Variants in TTYH1 observed in about 807,000 individuals in gnomAD.
TTYH1 encodes the protein protein tweety homolog 1.
TTYH1 carries 33 observed loss-of-function variants against 61.2 expected under a neutral mutation model. The ratio of observed to expected loss-of-function variants is 0.54; its 90% CI spans 0.41 to 0.72. The LOEUF is 0.72. Ranked by LOEUF, TTYH1 falls within the 30% of genes least tolerant of loss-of-function variation. The pLI is 0.00. For missense variants in TTYH1, 538 were observed against 575.8 expected, an observed-to-expected ratio of 0.93 and a Z score of 0.67; for synonymous variants, 308 against 266.4, an observed-to-expected ratio of 1.16 and a Z score of -1.52.
intron 1 of TTYH1, among the ~76,000 whole-genome samples, chr19:54,418,864 C>A (rs2083143612): frequency 6.6e-6 from 1 of 152,208 alleles, no homozygotes; most frequent in African/African-American, 2.4e-5. Flanking sequence ...GATTGCACAG[C>A]CAATGGAGGG....
In TTYH1 at chr19:54,436,562, G is replaced by A. The variant is rs374523021; in HGVS notation, c.*272G>A. ...CTCGCACCCTTCATCCCTGGCTGCC[G>A]GTCCCATCCTTGGAGGGACTAAGCT... On this transcript the variant is annotated 3_prime_UTR_variant, in exon 14 of 14. Transcript: ENST00000376530. This position sits in a 1 kb window ranked among gnomAD's most constrained non-coding sequence, Gnocchi z 4.3. 2,194 of 644,740 alleles carry A rather than the reference G, an allele frequency of 3.4e-3. 56 individuals are homozygous for A. The South Asian group carries it at 0.038, about 11-fold the overall frequency. 39.9% of individuals were successfully genotyped at this position (644,740 alleles called of 1,614,324 possible).
At chr19:54,418,270 G>C (rs771539497) in intron 1 of TTYH1, 1 of 152,222 alleles carries the variant, frequency 6.6e-6, no homozygotes, top group Non-Finnish European at 1.5e-5. Flanking sequence ...GAACGTTTCC[G>C]CGGCCTGCCT....
In TTYH1 at chr19:54,421,866, G is replaced by T. The variant is rs1337269988; in HGVS notation, c.418-324G>T. On this transcript the variant is annotated intron_variant, in intron 3 of 13. Coordinates refer to ENST00000376530, the MANE Select transcript of TTYH1 (RefSeq NM_020659.4). This position sits in a 1 kb window ranked among gnomAD's most constrained non-coding sequence, Gnocchi z 4.8. ...TGCAGACTCTAGACCATGGGACCCAGACTTGAGACCCCAGATTCTGGAAGG... is the reference window on the plus strand; with the variant it reads ...TGCAGACTCTAGACCATGGGACCCATACTTGAGACCCCAGATTCTGGAAGG... Among the ~76,000 whole-genome samples, 1 of 152,142 alleles carries T rather than the reference G, an allele frequency of 6.6e-6. No individual in the cohort carries two copies. The highest frequency in any genetic ancestry group is 2.4e-5 in the African/African-American group (1 of 41,434).
chr19:54,432,252 TCTAAAACACACACCCGAGGATG>T (rs1187520840), intron 10 of TTYH1: 1 of 152,318 alleles, frequency 6.6e-6, no homozygotes, highest in Non-Finnish European at 1.5e-5. Flanking sequence ...TAAGAGCTGT[TCTAAAACACACACCCGAGGATG>T]CCTTTCCCCG....
At chr19:54,435,898 A>C in intron 12 of TTYH1, 25 bp downstream of exon 12, 1 of 1,611,232 alleles carries the variant, frequency 6.2e-7, no homozygotes, top group Non-Finnish European at 8.5e-7. Flanking sequence ...GGTCTGAGGG[A>C]GGAGGGGCGG....
Position 54,430,585 on chromosome 19 carries a change from G to A in TTYH1, c.919G>A (p.Val307Ile), listed in dbSNP as rs1402227266. 5 of 1,613,470 alleles carry A rather than the reference G, an allele frequency of 3.1e-6. No homozygotes were observed. The highest frequency in any genetic ancestry group is 4.2e-6 in the Non-Finnish European group (5 of 1,179,928). The change falls in exon 8 of 14, where the codon GTC becomes ATC. Residue 307 changes from valine to isoleucine, a missense_variant. Physicochemically the swap from Val to Ile is conservative, Grantham distance 29. Coordinates refer to ENST00000376530, the MANE Select transcript of TTYH1 (RefSeq NM_020659.4). ...CTATTATCTCCTCTGCAACCGGGCC[G>A]TCTCCAACCCCTTCCAACAGGTTAG... Reference protein sequence around the residue: ...LSYYLLCNRAVSNPFQQRLTL... With the variant: ...LSYYLLCNRAISNPFQQRLTL...
Position 54,431,087 on chromosome 19 carries a change from C to A in TTYH1, c.1033-12C>A. The A allele has an allele frequency of 6.2e-7, 1 of 1,607,608 alleles. No individual in the cohort carries two copies. Among genetic ancestry groups the A allele is most frequent in the Non-Finnish European group, 8.5e-7 (1 of 1,174,204 alleles). ...AGAGTTCGTGGGAAAACGACCCCTC[C>A]TCGCCCCGCAGAAGCCTCTGCTGTC... On this transcript the variant is annotated splice_polypyrimidine_tract_variant and intron_variant, in intron 9 of 13. Coordinates refer to ENST00000376530, the MANE Select transcript of TTYH1 (RefSeq NM_020659.4).
intron 5 of TTYH1, among the ~76,000 whole-genome samples, chr19:54,428,671 T>C (rs1008099345): frequency 1.1e-4 from 17 of 152,140 alleles, no homozygotes; most frequent in African/African-American, 4.1e-4. Flanking sequence ...TCTCTGGCCC[T>C]GGTGGGGTGA....
Position 54,420,381 on chromosome 19 carries a change from G to C in TTYH1, c.306-896G>C, listed in dbSNP as rs926476284. Among the ~76,000 whole-genome samples, 5 of 152,290 alleles carry C rather than the reference G, an allele frequency of 3.3e-5. No homozygotes were observed. Among genetic ancestry groups the C allele is most frequent in the East Asian group, 1.9e-4 (1 of 5,174 alleles). ...GTGGACAAAGGCCCAGTGGGGGAGA[G>C]ACACGGCCCCAGCCCCCGCAGCCTG... On this transcript the variant is annotated intron_variant, in intron 2 of 13. Transcript: ENST00000376530. This position sits in a 1 kb window ranked among gnomAD's most constrained non-coding sequence, Gnocchi z 4.8.
chr19:54,415,862 C>T lies in TTYH1; in HGVS notation c.126+184C>T. ...CCCATGCCTGGAGGTTCTCCTGGGA[C>T]GCGCGCTGGGGGTCCAGACCTCGAG... On this transcript the variant is annotated intron_variant, in intron 1 of 13. Coordinates refer to ENST00000376530, the MANE Select transcript of TTYH1 (RefSeq NM_020659.4). This position sits in a 1 kb window ranked among gnomAD's most constrained non-coding sequence, Gnocchi z 5.2. 2.5e-6 allele frequency: 2 copies of T among 811,598 alleles called. No individual in the cohort carries two copies. Among genetic ancestry groups the T allele is most frequent in the East Asian group, 3.0e-5 (1 of 32,978 alleles). The allele number at this position is 811,598 out of a possible 1,614,324, so 50.3% of individuals were successfully genotyped here.
chr19:54,426,600 G>GCT, intron 4 of TTYH1, 73 bp from the exon 5 acceptor site: 1 of 1,181,690 alleles, frequency 8.5e-7, no homozygotes, highest in Non-Finnish European at 1.3e-6. Context: ...GTGAATGCTG[G>GCT]TGGAGGGTTG....
chr19:54,425,456 A>G (rs2083304848), intron 4 of TTYH1, among the ~76,000 whole-genome samples: 1 of 152,210 alleles, frequency 6.6e-6, no homozygotes, highest in Admixed American at 6.5e-5. Flanking sequence ...CTCAGGTGAT[A>G]GATGATTGGC....
At chr19:54,422,484 C>A in intron 4 of TTYH1, 74 bp downstream of exon 4, 1 of 1,327,490 alleles carries the variant, frequency 7.5e-7, no homozygotes, top group Non-Finnish European at 1.0e-6. Context: ...GTTGGCAATG[C>A]CTGGAGGCAG....
rs756917154 is a variant in TTYH1 at position 54,419,344 on chromosome 19, G to A, written c.305+38G>A. On this transcript the variant is annotated intron_variant, in intron 2 of 13. Transcript: ENST00000376530. The surrounding 1 kb of genome is among the most constrained non-coding windows in gnomAD (Gnocchi z 6.1). Reference sequence around the variant, plus strand: ...CAGGGTGGGTGGGCGGTGGGGACAGGGCTCCCCAAGCTCTTTGCTGGCCTT... The same window carrying A: ...CAGGGTGGGTGGGCGGTGGGGACAGAGCTCCCCAAGCTCTTTGCTGGCCTT... 2.9e-5 allele frequency: 45 copies of A among 1,568,060 alleles called. No homozygotes were observed. Among genetic ancestry groups the A allele is most frequent in the Non-Finnish European group, 3.8e-5 (44 of 1,161,886 alleles).
At chr19:54,427,540 C>G (rs56031296) in intron 5 of TTYH1, among the ~76,000 whole-genome samples, 70,673 of 149,522 alleles carry the variant, frequency 0.47, 17,110 homozygotes, top group East Asian at 0.67. Context: ...GGAGGCGGAG[C>G]TTGCAGTGAG....
At position 54,416,745 on chromosome 19, in the gene TTYH1, C is replaced by T. The variant is rs998086312; in HGVS notation, c.126+1067C>T. On this transcript the variant is annotated intron_variant, in intron 1 of 13. Coordinates refer to ENST00000376530, the MANE Select transcript of TTYH1 (RefSeq NM_020659.4). This position sits in a 1 kb window ranked among gnomAD's most constrained non-coding sequence, Gnocchi z 7.0. ...GCTCTTCCCCGCCTGCTCCTCGCCG[C>T]CCCCTCTCCCCACACACGGGGACCG... 1.5e-6 allele frequency: 2 copies of T among 1,291,346 alleles called. No individual in the cohort carries two copies. Among genetic ancestry groups the T allele is most frequent in the Non-Finnish European group, 2.0e-6 (2 of 988,276 alleles). 80.0% of individuals were successfully genotyped at this position (1,291,346 alleles called of 1,614,324 possible).
At position 54,430,799 on chromosome 19, in the gene TTYH1, TTC is replaced by T. The variant is rs1569265231; in HGVS notation, c.940-10_940-9del. ...TACTCCTGGGTCCTCCTCCCTCCCT[TTC>T]TCTTTCTGCAGAGGCTGACTCTGTC... On this transcript the variant is annotated splice_polypyrimidine_tract_variant and intron_variant, in intron 8 of 13. Coordinates refer to ENST00000376530, the MANE Select transcript of TTYH1 (RefSeq NM_020659.4). 6.2e-7 allele frequency: 1 copy of T among 1,613,376 alleles called. No homozygotes were observed.
intron 4 of TTYH1, among the ~76,000 whole-genome samples, chr19:54,423,973 T>A (rs1329973360): frequency 6.6e-6 from 1 of 152,022 alleles, no homozygotes; most frequent in East Asian, 1.9e-4. Context: ...CCATCCTGGC[T>A]AACACGGTGA....
At chr19:54,430,498 T>C (rs2122932431) in intron 7 of TTYH1, 52 bp from the exon 8 acceptor site, 3 of 1,595,640 alleles carry the variant, frequency 1.9e-6, no homozygotes, top group Non-Finnish European at 2.6e-6. Context: ...CCCCGGGAGA[T>C]CCCTGGGGGC....
Sources: gnomAD v4.1 joint callset for allele counts (sites outside exome capture counted in the v4.1 genomes callset) on GRCh38, gnomAD v4.1.1 for gene constraint, Gnocchi (gnomAD v3.1) non-coding constraint, MANE v1.5 for transcripts, NCBI Gene and HGNC (gene_info 2026-07-23, HGNC 2026-07-21) for gene names.